The following FAM193A variants were observed in gnomAD, a reference collection of about 807,000 sequenced individuals.
The protein encoded by FAM193A is family with sequence similarity 193 member A.
Under a neutral mutation model 126.5 loss-of-function variants are expected in FAM193A, and 22 were observed. The ratio of observed to expected loss-of-function variants is 0.17; its 90% CI spans 0.12 to 0.25. FAM193A has a LOEUF of 0.25. FAM193A is among the 10% of genes least tolerant of loss of function. The pLI, the probability that FAM193A is intolerant of heterozygous loss-of-function variation, is 1.00. For missense variants in FAM193A, 1,675 were observed against 1,672.8 expected, an observed-to-expected ratio of 1.00 and a Z score of -0.02; for synonymous variants, 761 against 646.8, an observed-to-expected ratio of 1.18 and a Z score of -2.68.
At chr4:2,587,428 C>T (rs1056005693) in intron 1 of FAM193A, among the ~76,000 whole-genome samples, 3 of 152,194 alleles carry the variant, frequency 2.0e-5, no homozygotes, top group African/African-American at 4.8e-5. Context: ...TGTGGTGGCA[C>T]GTGCCTGTGG....
At chr4:2,637,293 C>T (rs1448576869) in intron 5 of FAM193A, among the ~76,000 whole-genome samples, 1 of 152,170 alleles carries the variant, frequency 6.6e-6, no homozygotes, top group Non-Finnish European at 1.5e-5. Flanking sequence ...CACCACTGCA[C>T]TCCAGCCTGG....
chr4:2,652,216 C>T (rs556658065), intron 7 of FAM193A, among the ~76,000 whole-genome samples: 14 of 152,226 alleles, frequency 9.2e-5, no homozygotes, highest in Admixed American at 1.3e-4. Context: ...TTGGGTGTGT[C>T]GGTGCTTCCT....
At chr4:2,669,573 C>T (rs1165416366) in intron 12 of FAM193A, among the ~76,000 whole-genome samples, 1 of 152,204 alleles carries the variant, frequency 6.6e-6, no homozygotes, top group African/African-American at 2.4e-5. Context: ...CGCGCCATTG[C>T]GCTCCAGCCT....
intron 14 of FAM193A, among the ~76,000 whole-genome samples, chr4:2,689,975 G>A (rs1018950162): frequency 3.3e-5 from 5 of 152,220 alleles, no homozygotes; most frequent in African/African-American, 9.6e-5. Context: ...TGGCCTCAGC[G>A]CTGCTGAGGG....
chr4:2,663,332 G>A (rs781506151), intron 12 of FAM193A, 44 bp downstream of exon 12: 2 of 1,462,362 alleles, frequency 1.4e-6, no homozygotes, highest in Non-Finnish European at 1.8e-6. Context: ...CTTTTTCTGT[G>A]TGTATTTTCT....
intron 1 of FAM193A, among the ~76,000 whole-genome samples, chr4:2,571,294 A>T (rs1228872185): frequency 1.3e-5 from 2 of 152,126 alleles, no homozygotes; most frequent in South Asian, 2.1e-4. Context: ...TGGATTAATT[A>T]TCCATTCTGA....
Position 2,549,820 on chromosome 4 carries a change from T to C in FAM193A, c.255+12650T>C, listed in dbSNP as rs567239284. The stretch of plus-strand genomic sequence containing the variant: ...TCGGCTCACTGCAACCTCTGCCTCC[T>C]GAGTTCAAGTGATTTTTCTGCCTCA... On this transcript the variant is annotated intron_variant, in intron 1 of 20. Coordinates refer to ENST00000637812, the MANE Select transcript of FAM193A (RefSeq NM_001366318.2). 6.6e-5 allele frequency among the ~76,000 whole-genome samples: 10 copies of C among 151,634 alleles called. 1 individual carries two copies. In the South Asian group the frequency reaches 2.1e-3, roughly 32 times the overall value.
intron 10 of FAM193A, among the ~76,000 whole-genome samples, chr4:2,660,625 G>A (rs1268122224): frequency 6.6e-6 from 1 of 152,220 alleles, no homozygotes; most frequent in African/African-American, 2.4e-5. Context: ...ATATGTAGTT[G>A]CCAAAGTCAG....
intron 1 of FAM193A, among the ~76,000 whole-genome samples, chr4:2,559,765 C>G (rs1333252949): frequency 6.6e-6 from 1 of 152,160 alleles, no homozygotes; most frequent in East Asian, 1.9e-4. Context: ...CTTGTTCCTG[C>G]CAGACTCCGG....
intron 20 of FAM193A, among the ~76,000 whole-genome samples, chr4:2,718,237 ATGAT>A (rs1055740025): frequency 2.6e-5 from 4 of 152,138 alleles, no homozygotes; most frequent in African/African-American, 4.8e-5. Flanking sequence ...AAGCTAAAAT[ATGAT>A]TGATTGAAAA....
chr4:2,685,806 A>T (rs1442054447), intron 13 of FAM193A, among the ~76,000 whole-genome samples: 1 of 152,182 alleles, frequency 6.6e-6, no homozygotes, highest in Non-Finnish European at 1.5e-5. Context: ...GCTCCTGGAT[A>T]AACTCAGTGT....
At chr4:2,605,653 A>G (rs1051865679) in intron 2 of FAM193A, among the ~76,000 whole-genome samples, 4 of 152,208 alleles carry the variant, frequency 2.6e-5, no homozygotes, top group African/African-American at 4.8e-5. Context: ...TTTAAATGAA[A>G]ACTATTTTCC....
At chr4:2,546,412 T>C (rs1038994338) in intron 1 of FAM193A, among the ~76,000 whole-genome samples, 1 of 152,146 alleles carries the variant, frequency 6.6e-6, no homozygotes, top group African/African-American at 2.4e-5. Context: ...CCTCATGTTA[T>C]AGTTACACTC....
chr4:2,693,395 T>C (rs748003716), intron 15 of FAM193A, among the ~76,000 whole-genome samples, 191 bp from the exon 16 acceptor site: 4 of 152,198 alleles, frequency 2.6e-5, no homozygotes, highest in Non-Finnish European at 4.4e-5. Context: ...GAGTGTAACT[T>C]GCAGACGTTC....
rs531415521 is a variant in FAM193A at position 2,700,453 on chromosome 4, C to T, written c.4281C>T (p.Asn1427=). The T allele has an allele frequency of 1.8e-4, 296 of 1,614,050 alleles. No individual in the cohort carries two copies. Among genetic ancestry groups the T allele is most frequent in the Admixed American group, 3.3e-4 (20 of 59,994 alleles). The change falls in exon 19 of 21, where the codon AAC becomes AAT. Residue 1427 remains asparagine, a synonymous_variant. Transcript: ENST00000637812. The part of the protein sequence containing the change: ...EPTSPGEHQQ[N]SKLVLAESPQ... ...CCTCTCCCGGTGAGCATCAGCAGAA[C>T]AGCAAGCTGGTGCTGGCAGAGTCCC...
intron 1 of FAM193A, among the ~76,000 whole-genome samples, chr4:2,559,142 T>G (rs965880992): frequency 3.3e-5 from 5 of 152,220 alleles, no homozygotes; most frequent in Admixed American, 1.3e-4. Context: ...GAACTGTTCT[T>G]TGTGTGTTTG....
At chr4:2,728,142 G>T (rs1303881965) in intron 20 of FAM193A, among the ~76,000 whole-genome samples, 4 of 151,626 alleles carry the variant, frequency 2.6e-5, no homozygotes, top group Non-Finnish European at 5.9e-5. Flanking sequence ...TGTTGGTCAG[G>T]CTGGTCTCGA....
chr4:2,665,957 C>T (rs1713067727), intron 12 of FAM193A, among the ~76,000 whole-genome samples: 1 of 152,210 alleles, frequency 6.6e-6, no homozygotes, highest in South Asian at 2.1e-4. Context: ...TGCCATTCTC[C>T]TGACTCAGCC....
intron 19 of FAM193A, among the ~76,000 whole-genome samples, chr4:2,714,868 T>A (rs1159811206): frequency 6.6e-6 from 1 of 152,158 alleles, no homozygotes; most frequent in Non-Finnish European, 1.5e-5. Flanking sequence ...GTCCTCTTTG[T>A]TCACATCGAT....
Sources: allele counts gnomAD v4.1 joint callset (sites outside exome capture counted in the v4.1 genomes callset), GRCh38; gene constraint gnomAD v4.1.1; transcripts MANE v1.5; gene names NCBI Gene and HGNC (gene_info 2026-07-23, HGNC 2026-07-21).